RNF212B: variants seen among roughly 807,000 people sequenced by gnomAD.
RNF212B encodes the protein E3 ubiquitin-protein ligase RNF212B.
A neutral mutation model predicts 55.5 loss-of-function variants in RNF212B; 52 were observed. That is an observed-to-expected ratio of 0.94 (90% CI 0.75 to 1.18). The LOEUF is 1.18. RNF212B is among the 50% of genes most tolerant of loss of function. The pLI is 0.00. For synonymous variants in RNF212B, 99 were observed against 121.4 expected (o/e 0.82, Z 1.21); for missense variants, 289 against 350.4 (o/e 0.82, Z 1.40).
Position 23,270,649 on chromosome 14 carries a change from A to G in RNF212B, c.822A>G (p.Leu274=). 1 of 1,549,768 alleles carries G rather than the reference A, an allele frequency of 6.5e-7. No homozygotes were observed. The change falls in exon 14 of 15, where the codon CTA becomes CTG. Residue 274 remains leucine (L), a synonymous_variant. Coordinates refer to ENST00000430154, the MANE Select transcript of RNF212B (RefSeq NM_001282322.3). The part of the protein sequence containing the change: ...TTLESLPSFQ[L]PVLQTLYQQR... ...TAGAGAGTCTTCCTAGTTTCCAGCT[A>G]CCAGTCCTGCAGGTGAGACCTGGCT...
intron 2 of RNF212B, among the ~76,000 whole-genome samples, chr14:23,209,793 T>C (rs568062689): frequency 9.2e-5 from 14 of 152,172 alleles, no homozygotes; most frequent in Admixed American, 8.5e-4. Context: ...CAGTTAGATA[T>C]ATGGATATCA....
At chr14:23,201,408 A>G (rs965192054) in intron 2 of RNF212B, among the ~76,000 whole-genome samples, 3 of 152,216 alleles carry the variant, frequency 2.0e-5, no homozygotes, top group Non-Finnish European at 4.4e-5. Flanking sequence ...TTTTAACTTA[A>G]CATAACAATT....
chr14:23,224,815 CA>C (rs1881867190), intron 2 of RNF212B, among the ~76,000 whole-genome samples: 1 of 152,152 alleles, frequency 6.6e-6, no homozygotes, highest in African/African-American at 2.4e-5. Context: ...AGTGAACAGA[CA>C]ATCCACAGAA....
chr14:23,257,155 ACACAC>A (rs1479252376), intron 4 of RNF212B, among the ~76,000 whole-genome samples: 5 of 96,466 alleles, frequency 5.2e-5, no homozygotes, highest in East Asian at 6.2e-4. Flanking sequence ...TCAGTCACAC[ACACAC>A]AAAAAAAATA....
At chr14:23,268,555 C>G (rs1237848352) in intron 11 of RNF212B, among the ~76,000 whole-genome samples, 1 of 152,110 alleles carries the variant, frequency 6.6e-6, no homozygotes, top group Non-Finnish European at 1.5e-5. Context: ...TTTTGGAGGT[C>G]TTTGCTCTGC....
chr14:23,231,838 C>T (rs558069946), intron 2 of RNF212B, among the ~76,000 whole-genome samples: 187 of 152,344 alleles, frequency 1.2e-3, no homozygotes, highest in African/African-American at 4.1e-3. Context: ...GAGGGGGTTT[C>T]GCTGTGTTGG....
At chr14:23,196,164 C>G (rs768979866) in intron 2 of RNF212B, among the ~76,000 whole-genome samples, 1 of 152,050 alleles carries the variant, frequency 6.6e-6, no homozygotes, top group Non-Finnish European at 1.5e-5. Context: ...CAAATCAGAG[C>G]CTAGACACTT....
chr14:23,222,505 T>C (rs180691173), intron 2 of RNF212B, among the ~76,000 whole-genome samples: 1 of 152,114 alleles, frequency 6.6e-6, no homozygotes, highest in East Asian at 1.9e-4. Flanking sequence ...AGTCTCCCAA[T>C]AAAGAAAAGC....
At chr14:23,244,221 C>T in intron 3 of RNF212B, 101 bp from the exon 4 acceptor site, 2 of 632,022 alleles carry the variant, frequency 3.2e-6, no homozygotes, top group South Asian at 2.1e-5. Flanking sequence ...GAGATAATGT[C>T]AGGTACATTA....
At chr14:23,253,728 G>A (rs1884583881) in intron 4 of RNF212B, among the ~76,000 whole-genome samples, 1 of 152,054 alleles carries the variant, frequency 6.6e-6, no homozygotes, top group Admixed American at 6.6e-5. Flanking sequence ...AAAGAGAAAT[G>A]TCCTTTTATC....
At chr14:23,232,106 C>T (rs1055424092) in intron 2 of RNF212B, among the ~76,000 whole-genome samples, 16 of 151,176 alleles carry the variant, frequency 1.1e-4, no homozygotes, top group Non-Finnish European at 1.8e-4. Context: ...GGCTGCCCAT[C>T]GTCTGGGATG....
At chr14:23,215,835 C>A (rs1444168963) in intron 2 of RNF212B, among the ~76,000 whole-genome samples, 1 of 152,182 alleles carries the variant, frequency 6.6e-6, no homozygotes, top group Non-Finnish European at 1.5e-5. Context: ...GTTGACTATC[C>A]TTCTCCTAGT....
chr14:23,193,765 G>T (rs1878356850), intron 2 of RNF212B, among the ~76,000 whole-genome samples: 1 of 149,984 alleles, frequency 6.7e-6, no homozygotes, highest in Non-Finnish European at 1.5e-5. Flanking sequence ...AAAAAAAAAG[G>T]AAGAATGGAA....
In RNF212B at chr14:23,203,475, AG is replaced by A. The variant is rs1789591154; in HGVS notation, c.-2+10075del. Among the ~76,000 whole-genome samples, 12 of 82,566 alleles carry A rather than the reference AG, an allele frequency of 1.5e-4. No homozygotes were observed. In the South Asian group the frequency reaches 5.3e-3, roughly 36 times the overall value. The allele number at this position is 82,566 out of a possible 152,430, so 54.2% of individuals were successfully genotyped here. ...TGGATCGAATGGTAGTTCTACTTTT[AG>A]TCCCCCTTTTTTTTTTTTTTGAGAT... On this transcript the variant is annotated intron_variant, in intron 2 of 15. Transcript: ENST00000399910.
Position 23,272,920 on chromosome 14 carries a change from C to T in RNF212B, c.*29C>T. 2.2e-6 allele frequency: 3 copies of T among 1,352,054 alleles called. No homozygotes were observed. The highest frequency in any genetic ancestry group is 3.1e-6 in the Non-Finnish European group (3 of 983,162). 83.8% of individuals were successfully genotyped at this position (1,352,054 alleles called of 1,614,324 possible). ...ATCTTCAAGATCTGATCTATACATG[C>T]TGCTGAAGGATGGACTGTAGCTTCC... On this transcript the variant is annotated 3_prime_UTR_variant, in exon 15 of 15. Transcript: ENST00000430154.
chr14:23,194,240 G>A (rs1230710818), intron 2 of RNF212B, among the ~76,000 whole-genome samples: 1 of 152,098 alleles, frequency 6.6e-6, no homozygotes, highest in African/African-American at 2.4e-5. Flanking sequence ...AGTCACATTA[G>A]AATTTAAGGC....
chr14:23,208,994 G>C (rs183830391), intron 2 of RNF212B, among the ~76,000 whole-genome samples: 11 of 152,016 alleles, frequency 7.2e-5, no homozygotes, highest in African/African-American at 2.7e-4. Context: ...TCCTGACCTC[G>C]TGATCCGCCC....
chr14:23,242,095 A>AAAAAAG (rs1883627506), intron 2 of RNF212B, among the ~76,000 whole-genome samples: 1 of 130,156 alleles, frequency 7.7e-6, no homozygotes, highest in African/African-American at 2.8e-5. Context: ...AAAAAAAAAA[A>AAAAAAG]AAAAAAAAAA....
At chr14:23,254,482 A>T (rs1180008809) in intron 4 of RNF212B, among the ~76,000 whole-genome samples, 1 of 152,108 alleles carries the variant, frequency 6.6e-6, no homozygotes, top group Non-Finnish European at 1.5e-5. Context: ...TAAAAATAAG[A>T]ACTGGGAAGG....
Sources: allele counts gnomAD v4.1 joint callset (sites outside exome capture counted in the v4.1 genomes callset), GRCh38; gene constraint gnomAD v4.1.1; transcripts MANE v1.5; gene names NCBI Gene and HGNC (gene_info 2026-07-23, HGNC 2026-07-21).